AKAP13: variants seen among roughly 807,000 people sequenced by gnomAD.
The protein encoded by AKAP13 is A-kinase anchoring protein 13.
Under a neutral mutation model 264.5 loss-of-function variants are expected in AKAP13, and 80 were observed. That is an observed-to-expected ratio of 0.30 (90% CI 0.25 to 0.36). The LOEUF is 0.36. Among genes scored for constraint, AKAP13 ranks in the 10% least tolerant of loss-of-function variants. The pLI, the probability that AKAP13 is intolerant of heterozygous loss-of-function variation, is 1.00. For synonymous variants in AKAP13, 1,380 were observed against 1,250.2 expected (o/e 1.10, Z -2.19); for missense variants, 3,712 against 3,435.2 (o/e 1.08, Z -2.01).
At position 85,384,823 on chromosome 15, in the gene AKAP13, T is replaced by G. The variant is rs561609405; in HGVS notation, c.-12+4025T>G. ...CATATTTATAGTTTTCTCGTCCACCTACAAGTTGATTGTGACGTTATGAAT... is the reference window on the plus strand; with the variant it reads ...CATATTTATAGTTTTCTCGTCCACCGACAAGTTGATTGTGACGTTATGAAT... On this transcript the variant is annotated intron_variant, in intron 1 of 36. Coordinates refer to ENST00000394518, the MANE Select transcript of AKAP13 (RefSeq NM_007200.5). Among the ~76,000 whole-genome samples the G allele has an allele frequency of 4.7e-4, 71 of 152,258 alleles. 1 individual carries two copies. Among genetic ancestry groups the G allele is most frequent in the African/African-American group, 1.3e-3 (55 of 41,556 alleles).
intron 1 of AKAP13, among the ~76,000 whole-genome samples, chr15:85,480,118 A>G (rs1244556643): frequency 2.0e-5 from 3 of 152,206 alleles, no homozygotes; most frequent in Non-Finnish European, 2.9e-5. Context: ...TTATTTAGGG[A>G]TGAAAATTTC....
chr15:85,690,584 A>T (rs1163900820), intron 16 of AKAP13, among the ~76,000 whole-genome samples: 1 of 152,176 alleles, frequency 6.6e-6, no homozygotes, highest in South Asian at 2.1e-4. Flanking sequence ...TGGCTCTTAG[A>T]TGTTCATTAT....
chr15:85,713,960 G>A (rs913995875), intron 19 of AKAP13, among the ~76,000 whole-genome samples: 1 of 152,094 alleles, frequency 6.6e-6, no homozygotes, highest in African/African-American at 2.4e-5. Flanking sequence ...TGCACTATGA[G>A]AACAATTTAG....
chr15:85,677,587 A>C (rs1028758244), intron 14 of AKAP13, among the ~76,000 whole-genome samples: 2 of 150,648 alleles, frequency 1.3e-5, no homozygotes, highest in South Asian at 4.2e-4. Context: ...CCTTTCCTTT[A>C]AGATTAGACC....
At chr15:85,631,217 G>C (rs1399638182) in intron 8 of AKAP13, among the ~76,000 whole-genome samples, 1 of 152,148 alleles carries the variant, frequency 6.6e-6, no homozygotes, top group Non-Finnish European at 1.5e-5. Context: ...GAAATGTCCT[G>C]AGTAAGCAAA....
At chr15:85,717,144 G>T (rs905014000) in intron 20 of AKAP13, 146 bp from the exon 21 acceptor site, 2 of 554,854 alleles carry the variant, frequency 3.6e-6, no homozygotes, top group Non-Finnish European at 3.1e-6. Context: ...GCATGTTGCT[G>T]TGGCCCCGAC....
At chr15:85,628,407 A>C (rs919948910) in intron 8 of AKAP13, among the ~76,000 whole-genome samples, 1 of 152,224 alleles carries the variant, frequency 6.6e-6, no homozygotes, top group Non-Finnish European at 1.5e-5. Context: ...GCCTTCTGCT[A>C]GATTTCCCAA....
chr15:85,668,287 C>A (rs757381256), intron 13 of AKAP13, among the ~76,000 whole-genome samples: 6 of 152,164 alleles, frequency 3.9e-5, no homozygotes, highest in Non-Finnish European at 7.3e-5. Context: ...TCACTGCTTC[C>A]CTTTCAATAT....
intron 2 of AKAP13, among the ~76,000 whole-genome samples, chr15:85,494,393 T>C (rs746695120): frequency 1.3e-4 from 20 of 152,232 alleles, no homozygotes; most frequent in Non-Finnish European, 2.5e-4. Flanking sequence ...GAGATCTGTC[T>C]AGGCCAGGCC....
At chr15:85,680,562 A>G (rs903807441) in intron 14 of AKAP13, among the ~76,000 whole-genome samples, 3 of 152,180 alleles carry the variant, frequency 2.0e-5, no homozygotes, top group Non-Finnish European at 4.4e-5. Context: ...TATTATTCCT[A>G]CCTGTTGGCA....
At position 85,735,081 on chromosome 15, in the gene AKAP13, C is replaced by G. The variant is rs779209057; in HGVS notation, c.7372C>G (p.Pro2458Ala). Reference sequence around the variant, plus strand: ...CCCCATTGAGCAAGATGTGGTCGGTCCCGTTTCCCTGCCCCGGAGAGCAGA... The same window carrying G: ...CCCCATTGAGCAAGATGTGGTCGGTGCCGTTTCCCTGCCCCGGAGAGCAGA... ...SSPIEQDVVG[P>A]VSLPRRAETF... is the part of the protein sequence containing the mutation. Residue 2458 changes from proline (P) to alanine (A), a missense_variant, in exon 31 of 37, where the codon CCC (proline) becomes GCC (alanine). Physicochemically the swap from Pro to Ala is conservative, Grantham distance 27. Around this residue, in one of 3 missense-constraint regions of AKAP13, gnomAD observed 611 missense variants for 539.3 expected, o/e 1.13. Transcript: ENST00000394518. 1 of 1,614,234 alleles carries G rather than the reference C, an allele frequency of 6.2e-7. No individual in the cohort carries two copies. Among genetic ancestry groups the G allele is most frequent in the South Asian group, 1.1e-5 (1 of 91,080 alleles).
chr15:85,445,848 T>A (rs937592584), intron 1 of AKAP13, among the ~76,000 whole-genome samples: 2 of 152,214 alleles, frequency 1.3e-5, no homozygotes, highest in African/African-American at 4.8e-5. Context: ...TTTCTATGGA[T>A]ACATAATTGT....
chr15:85,536,951 A>G (rs994801465), intron 4 of AKAP13: 1 of 152,194 alleles, frequency 6.6e-6, no homozygotes, highest in Non-Finnish European at 1.5e-5. Flanking sequence ...TACATCCCCT[A>G]AAGGTGAATT....
intron 1 of AKAP13, among the ~76,000 whole-genome samples, chr15:85,441,315 G>T (rs995262109): frequency 6.6e-6 from 1 of 151,888 alleles, no homozygotes; most frequent in Non-Finnish European, 1.5e-5. Context: ...TCAAGTGTCT[G>T]TTCAAACCTT....
chr15:85,629,067 C>T (rs2081569650), intron 8 of AKAP13, among the ~76,000 whole-genome samples: 1 of 152,076 alleles, frequency 6.6e-6, no homozygotes, highest in Admixed American at 6.6e-5. Flanking sequence ...CATGGTGGCA[C>T]ATGCCTGTAG....
intron 17 of AKAP13, among the ~76,000 whole-genome samples, chr15:85,697,596 A>T (rs2085640175): frequency 6.6e-6 from 1 of 152,188 alleles, no homozygotes; most frequent in Non-Finnish European, 1.5e-5. Flanking sequence ...TACTAAAAGG[A>T]TGAAACGAAT....
intron 2 of AKAP13, among the ~76,000 whole-genome samples, chr15:85,519,839 G>A (rs528964594): frequency 2.0e-5 from 3 of 151,994 alleles, no homozygotes; most frequent in South Asian, 2.1e-4. Context: ...CTTCTGCTCA[G>A]TTATGCTGCT....
chr15:85,440,003 A>AAC (rs2073562844), intron 1 of AKAP13, among the ~76,000 whole-genome samples: 2 of 151,838 alleles, frequency 1.3e-5, no homozygotes, highest in Non-Finnish European at 2.9e-5. Flanking sequence ...AATAAATAAA[A>AAC]ACCAGGTTGT....
chr15:85,662,473 C>T (rs767152245), intron 12 of AKAP13: 15 of 1,613,828 alleles, frequency 9.3e-6, no homozygotes, highest in Middle Eastern at 1.6e-4. Flanking sequence ...TGTTATGTGT[C>T]CCGCCACCAA....
Sources: allele counts gnomAD v4.1 joint callset (sites outside exome capture counted in the v4.1 genomes callset), GRCh38; gene constraint gnomAD v4.1.1; regional missense constraint gnomAD v4.1.1; transcripts MANE v1.5; gene names NCBI Gene and HGNC (gene_info 2026-07-23, HGNC 2026-07-21).